Variants in CCAR2 observed in about 807,000 individuals in gnomAD.
The protein encoded by CCAR2 is cell cycle and apoptosis regulator 2.
A neutral mutation model predicts 108.1 loss-of-function variants in CCAR2; 21 were observed. That is an observed-to-expected ratio of 0.19 (90% CI 0.14 to 0.28). The LOEUF is 0.28. CCAR2 is among the 10% of genes least tolerant of loss of function. The pLI, the probability that CCAR2 is intolerant of heterozygous loss-of-function variation, is 1.00. For synonymous variants in CCAR2, 577 were observed against 472.8 expected, an observed-to-expected ratio of 1.22 and a Z score of -2.86; for missense variants, 1,126 against 1,177.0, an observed-to-expected ratio of 0.96 and a Z score of 0.63.
chr8:22,605,058 C>T lies in CCAR2; in HGVS notation c.-39+216C>T, dbSNP rs200166208. ...GCGCGCCTCAGTCCTCCCTTGGTGGCCTCGCCGCGGCTCTGCTGGGAGACC... is the reference window on the plus strand; with the variant it reads ...GCGCGCCTCAGTCCTCCCTTGGTGGTCTCGCCGCGGCTCTGCTGGGAGACC... On this transcript the variant is annotated intron_variant, in intron 1 of 20. Transcript: ENST00000308511. 878 of 272,300 alleles carry T rather than the reference C, an allele frequency of 3.2e-3. 9 individuals are homozygous for T. The highest frequency in any genetic ancestry group is 0.02 in the African/African-American group (841 of 42,102). The allele number at this position is 272,300 out of a possible 1,614,324, so 16.9% of individuals were successfully genotyped here. A position where few individuals can be genotyped will look rare whatever the true frequency, so the allele number is the denominator to read the frequency against.
At chr8:22,609,879 T>C (rs1277021091) in intron 7 of CCAR2, among the ~76,000 whole-genome samples, 3 of 152,210 alleles carry the variant, frequency 2.0e-5, no homozygotes, top group Admixed American at 1.3e-4. Flanking sequence ...TCACAGCTTC[T>C]ACAGAAAGGA....
chr8:22,604,884 C>G (rs1025138044), intron 1 of CCAR2, 42 bp downstream of exon 1: 2 of 428,448 alleles, frequency 4.7e-6, no homozygotes, highest in African/African-American at 4.2e-5. Context: ...CCCCTTCGCC[C>G]CTCCGCCCCT....
In CCAR2 at chr8:22,615,450, C is replaced by G; in HGVS notation, c.1231C>G (p.Leu411Val). Residue 411 changes from leucine (L) to valine (V), a missense_variant, in exon 12 of 21, where the codon CTG becomes GTG. This residue lies in a region of CCAR2 where 1,013 missense variants were observed against 993.9 expected (regional missense o/e 1.02). Coordinates refer to ENST00000308511, the MANE Select transcript of CCAR2 (RefSeq NM_001393997.1). ...GTGGCGCTTTGCCGAGTTTCAGTAC[C>G]TGCAGCCGGGACCCCCCCGGCGGCT... is the stretch of plus-strand genomic sequence containing the variant. ...KWWRFAEFQY[L>V]QPGPPRRLQT... The G allele has an allele frequency of 6.2e-7, 1 of 1,613,842 alleles. No homozygotes were observed. The highest frequency in any genetic ancestry group is 8.5e-7 in the Non-Finnish European group (1 of 1,179,984).
Position 22,607,993 on chromosome 8 carries a change from A to G in CCAR2, c.512A>G (p.His171Arg). ...QKPLSLFQTS[H>R]TLHLSHLNRF... ...GCTCTGAGTCTCTTCCAAACATCCC[A>G]CACACTTCACCTGAGCCACCTGAAC... Residue 171 changes from histidine (H) to arginine (R), a missense_variant, in exon 7 of 21, where the codon CAC (histidine) becomes CGC (arginine). Transcript: ENST00000308511. The G allele has an allele frequency of 6.2e-7, 1 of 1,613,932 alleles. No homozygotes were observed. The highest frequency in any genetic ancestry group is 8.5e-7 in the Non-Finnish European group (1 of 1,179,992).
intron 10 of CCAR2, 146 bp from the exon 11 acceptor site, chr8:22,614,692 G>A (rs750404647): frequency 9.7e-6 from 11 of 1,130,938 alleles, no homozygotes; most frequent in Non-Finnish European, 1.2e-5. Flanking sequence ...GAGGTGGCTG[G>A]TTCATGTTTG....
intron 11 of CCAR2, 141 bp downstream of exon 11, chr8:22,615,142 T>C: frequency 8.3e-7 from 1 of 1,207,640 alleles, no homozygotes; most frequent in South Asian, 1.6e-5. Context: ...TGCCTCAGGG[T>C]AGGGTGGGGT....
intron 3 of CCAR2, 34 bp from the exon 4 acceptor site, chr8:22,606,573 C>A: frequency 6.4e-7 from 1 of 1,557,226 alleles, no homozygotes; most frequent in African/African-American, 1.4e-5. Flanking sequence ...CAGTTTCCTC[C>A]CTTTTACTTT....
intron 9 of CCAR2, 22 bp downstream of exon 9, chr8:22,614,336 A>T (rs201645003): frequency 1.9e-6 from 3 of 1,613,894 alleles, no homozygotes; most frequent in Admixed American, 3.3e-5. Flanking sequence ...GGCGTCTCTC[A>T]CTTATCTGAT....
rs915129000 is a variant in CCAR2 at position 22,607,970 on chromosome 8, T to C, written c.489T>C (p.Pro163=). 1.2e-6 allele frequency: 2 copies of C among 1,613,604 alleles called. No homozygotes were observed. The highest frequency in any genetic ancestry group is 2.7e-5 in the African/African-American group (2 of 74,876). The change falls in exon 7 of 21, where the codon CCT becomes CCC. Residue 163 remains proline (P), a splice_region_variant and synonymous_variant. Transcript: ENST00000308511. ...TCACCAGTCATTTCCTTTCTGCAGC[T>C]CTGAGTCTCTTCCAAACATCCCACA... is the stretch of plus-strand genomic sequence containing the variant. The part of the protein sequence containing the change: ...HRIPPLFPQK[P]LSLFQTSHTL...
chr8:22,604,789 C>T lies in CCAR2; in HGVS notation c.-92C>T, dbSNP rs199915481. 24 of 455,814 alleles carry T rather than the reference C, an allele frequency of 5.3e-5. No individual in the cohort carries two copies. The highest frequency in any genetic ancestry group is 9.4e-5 in the Admixed American group (4 of 42,572). The allele number at this position is 455,814 out of a possible 1,614,324, so 28.2% of individuals were successfully genotyped here. On this transcript the variant is annotated 5_prime_UTR_variant, in exon 1 of 21. Coordinates refer to ENST00000308511, the MANE Select transcript of CCAR2 (RefSeq NM_001393997.1). ...CTTCCGGTGGCGGCGGCAGCAGCGGCTGTGGTGGTTCCGGGTGTCTTTGTC... is the reference window on the plus strand; with the variant it reads ...CTTCCGGTGGCGGCGGCAGCAGCGGTTGTGGTGGTTCCGGGTGTCTTTGTC...
At chr8:22,605,595 C>T (rs370829911) in intron 1 of CCAR2, 141 bp from the exon 2 acceptor site, 1 of 611,734 alleles carries the variant, frequency 1.6e-6, no homozygotes, top group Non-Finnish European at 2.9e-6. Context: ...TCTCTATATT[C>T]TCTCCATCCA....
intron 16 of CCAR2, 138 bp from the exon 17 acceptor site, chr8:22,618,211 C>G: frequency 2.6e-6 from 3 of 1,145,620 alleles, no homozygotes; most frequent in Non-Finnish European, 3.8e-6. Context: ...CTGCCTTAGC[C>G]TCCCCAGCAG....
chr8:22,614,538 G>T (rs17060939), intron 10 of CCAR2, 35 bp downstream of exon 10: 79,244 of 1,554,080 alleles, frequency 0.051, 5,744 homozygotes, highest in African/African-American at 0.34. Flanking sequence ...ATGCATTCAC[G>T]GGTAATGTGC....
chr8:22,611,460 G>A (rs958583683), intron 7 of CCAR2, among the ~76,000 whole-genome samples: 4 of 150,332 alleles, frequency 2.7e-5, no homozygotes, highest in East Asian at 1.9e-4. Context: ...ATGTGTGTGT[G>A]TATATATATA....
At chr8:22,605,709 GTTAAT>G in intron 1 of CCAR2, 22 bp from the exon 2 acceptor site, 2 of 1,395,184 alleles carry the variant, frequency 1.4e-6, no homozygotes, top group Non-Finnish European at 2.0e-6. Context: ...CTTATAAGCT[GTTAAT>G]TTCTTTCTTT....
chr8:22,619,220 G>T lies in CCAR2; in HGVS notation c.2592G>T (p.Leu864=), dbSNP rs200694510. The T allele has an allele frequency of 7.6e-6, 12 of 1,579,122 alleles. No individual in the cohort carries two copies. The African/African-American group carries it at 1.3e-4, about 18-fold the overall frequency. ...NKTLAAEMQE[L]RVRLAEAEET... is the part of the protein sequence containing the mutation. ...CGCTGGCGGCAGAGATGCAGGAGCTGCGAGTCCGGCTGGCGGAGGCCGAGG... is the reference window on the plus strand; with the variant it reads ...CGCTGGCGGCAGAGATGCAGGAGCTTCGAGTCCGGCTGGCGGAGGCCGAGG... The change falls in exon 20 of 21, where the codon CTG becomes CTT. Residue 864 remains leucine, a synonymous_variant. Transcript: ENST00000308511.
At chr8:22,621,473 G>C (rs371953031), downstream of CCAR2, 1 of 1,613,870 alleles carries the variant, frequency 6.2e-7, no homozygotes, top group Non-Finnish European at 8.5e-7. Context: ...GTTTGGCCTC[G>C]TTCTCCCGCT....
chr8:22,613,672 G>C (rs1255581077), intron 8 of CCAR2, among the ~76,000 whole-genome samples: 1 of 152,150 alleles, frequency 6.6e-6, no homozygotes, highest in African/African-American at 2.4e-5. Context: ...ATCTTTGTCT[G>C]TCTAGTTGGT....
In CCAR2 at chr8:22,619,262, G is replaced by T. The variant is rs538126990; in HGVS notation, c.2634G>T (p.Ala878=). The change falls in exon 20 of 21, where the codon GCG becomes GCT. Residue 878 remains alanine (A), a synonymous_variant. Transcript: ENST00000308511. ...LAEAEETART[A]ERQKSQLQRL... ...AGGCCGAGGAGACCGCCCGGACGGC[G>T]GAGCGACAGAAGAGCCAGCTCCAGC... 1.3e-6 allele frequency: 2 copies of T among 1,564,844 alleles called. No individual in the cohort carries two copies. Among genetic ancestry groups the T allele is most frequent in the East Asian group, 2.4e-5 (1 of 42,240 alleles).
Sources: allele counts gnomAD v4.1 joint callset (sites outside exome capture counted in the v4.1 genomes callset), GRCh38; gene constraint gnomAD v4.1.1; regional missense constraint gnomAD v4.1.1; transcripts MANE v1.5; gene names NCBI Gene and HGNC (gene_info 2026-07-23, HGNC 2026-07-21).